Variants in CELA3A observed in about 807,000 individuals in gnomAD.
CELA3A encodes chymotrypsin-like elastase family member 3A.
CELA3A carries 35 observed loss-of-function variants against 38.6 expected under a neutral mutation model. That is an observed-to-expected ratio of 0.91 (90% CI 0.69 to 1.20). The LOEUF (loss-of-function observed/expected upper bound fraction) is 1.20. Among genes scored for constraint, CELA3A ranks in the 50% most tolerant of loss-of-function variants. The pLI, the probability that CELA3A is intolerant of heterozygous loss-of-function variation, is 0.00. For missense variants in CELA3A, 343 were observed against 354.2 expected (o/e 0.97, Z 0.25); for synonymous variants, 143 against 136.7 (o/e 1.05, Z -0.32).
At position 22,012,152 on chromosome 1, in the gene CELA3A, C is replaced by T. The variant is rs1306206748; in HGVS notation, c.796-298C>T. On this transcript the variant is annotated intron_variant, in intron 7 of 7. Coordinates refer to ENST00000290122, the MANE Select transcript of CELA3A (RefSeq NM_005747.5). ...ACATACGTATATATACACACAAATA[C>T]GTATATATATACACACACACATATA... 9.4e-5 allele frequency among the ~76,000 whole-genome samples: 12 copies of T among 127,378 alleles called. 3 individuals are homozygous for T. The highest frequency in any genetic ancestry group is 1.3e-4 in the Non-Finnish European group (8 of 61,848). The allele number at this position is 127,378 out of a possible 152,430, so 83.6% of individuals were successfully genotyped here.
chr1:22,010,055 TG>T (rs1421976280), intron 7 of CELA3A, 198 bp downstream of exon 7: 1 of 770,284 alleles, frequency 1.3e-6, no homozygotes, highest in African/African-American at 1.8e-5. Context: ...GGCTTCTGGG[TG>T]GTGCTTGGAA....
rs201536611 is a variant in CELA3A at position 22,003,044 on chromosome 1, G to T, written c.85G>T (p.Val29Phe). The T allele has an allele frequency of 1.9e-6, 3 of 1,571,840 alleles. 1 individual carries two copies. The highest frequency in any genetic ancestry group is 2.6e-6 in the Non-Finnish European group (3 of 1,167,374). Residue 29 changes from valine to phenylalanine, a missense_variant, in exon 2 of 8, where the codon GTT becomes TTT. Val to Phe is a conservative substitution (Grantham distance 50). Transcript: ENST00000290122. ...ACCTTCCTCTCACTCTTCCAGCCGC[G>T]TTGTCCATGGTGAGGATGCGGTCCC... is the stretch of plus-strand genomic sequence containing the variant. ...GPPSSHSSSR[V>F]VHGEDAVPYS...
chr1:22,009,161 C>A lies in CELA3A; in HGVS notation c.643-544C>A, dbSNP rs576768944. On this transcript the variant is annotated intron_variant, in intron 6 of 7. Coordinates refer to ENST00000290122, the MANE Select transcript of CELA3A (RefSeq NM_005747.5). ...CGGGCGGATCACGTGGTCAGGAGAT[C>A]GAGACCATCCTGGCTAACACGGTGA... 1.3e-5 allele frequency among the ~76,000 whole-genome samples: 2 copies of A among 151,108 alleles called. 1 individual carries two copies. Among genetic ancestry groups the A allele is most frequent in the South Asian group, 4.2e-4 (2 of 4,800 alleles).
In CELA3A at chr1:22,001,844, C is replaced by A. The variant is rs531005131; in HGVS notation, c.43+127C>A. 2.3e-4 allele frequency: 316 copies of A among 1,348,570 alleles called. 5 individuals are homozygous for A. Among genetic ancestry groups the A allele is most frequent in the Middle Eastern group, 1.4e-3 (8 of 5,540 alleles). The allele number at this position is 1,348,570 out of a possible 1,614,324, so 83.5% of individuals were successfully genotyped here. Reference sequence around the variant, plus strand: ...CCACAGGAGGGGGTCTCAGCTTGTACCCGGGGGCATGACTGTAGGGGCTTT... The same window carrying A: ...CCACAGGAGGGGGTCTCAGCTTGTAACCGGGGGCATGACTGTAGGGGCTTT... On this transcript the variant is annotated intron_variant, in intron 1 of 7. Transcript: ENST00000290122.
chr1:22,009,632 T>C, intron 6 of CELA3A, 73 bp from the exon 7 acceptor site: 1 of 1,547,280 alleles, frequency 6.5e-7, no homozygotes, highest in South Asian at 1.2e-5. Flanking sequence ...TTTCTTGAAA[T>C]CCCTAGAATT....
At chr1:22,009,580 A>G in intron 6 of CELA3A, 125 bp from the exon 7 acceptor site, 5 of 1,218,514 alleles carry the variant, frequency 4.1e-6, no homozygotes, top group Non-Finnish European at 5.6e-6. Flanking sequence ...ATGATAAAAA[A>G]ATGAGCGAGC....
intron 2 of CELA3A, among the ~76,000 whole-genome samples, chr1:22,004,813 A>C (rs1569866799): frequency 6.6e-6 from 1 of 151,308 alleles, no homozygotes; most frequent in Admixed American, 6.6e-5. Context: ...CAAAAGAGTC[A>C]GGGGGGCTGG....
intron 2 of CELA3A, among the ~76,000 whole-genome samples, 178 bp from the exon 3 acceptor site, chr1:22,005,269 G>A (rs943376825): frequency 6.6e-6 from 1 of 151,792 alleles, no homozygotes; most frequent in African/African-American, 2.4e-5. Context: ...AAGTGATAGG[G>A]CCACCACGGG....
At chr1:22,008,152 C>CT (rs71016968) in intron 6 of CELA3A, among the ~76,000 whole-genome samples, 19,448 of 86,840 alleles carry the variant, frequency 0.22, 3,569 homozygotes, top group African/African-American at 0.42. Context: ...GACGTTGTCT[C>CT]TTTTTTTTTT....
In CELA3A at chr1:22,006,958, G is replaced by T. The variant is rs376995348; in HGVS notation, c.443G>T (p.Gly148Val). ...AVQLASLPPA[G>V]DILPNKTPCY... ...CAGCTCGCCTCACTCCCTCCCGCTG[G>T]TGACATCCTTCCCAACAAGACACCC... The change falls in exon 5 of 8, where the codon GGT becomes GTT. Residue 148 changes from glycine (G) to valine (V), a missense_variant. Physicochemically the swap from Gly to Val is moderately radical, Grantham distance 109. Coordinates refer to ENST00000290122, the MANE Select transcript of CELA3A (RefSeq NM_005747.5). The T allele has an allele frequency of 9.9e-6, 16 of 1,612,360 alleles. No individual in the cohort carries two copies. The African/African-American group carries it at 2.0e-4, about 20-fold the overall frequency.
chr1:22,001,663 A>G lies in CELA3A; in HGVS notation c.-12A>G. On this transcript the variant is annotated 5_prime_UTR_variant, in exon 1 of 8. Coordinates refer to ENST00000290122, the MANE Select transcript of CELA3A (RefSeq NM_005747.5). ...CCAGGCTCTGTGCCCTTTTCCTATCATCACAAAACTCATGATGCTCCGGCT... is the reference window on the plus strand; with the variant it reads ...CCAGGCTCTGTGCCCTTTTCCTATCGTCACAAAACTCATGATGCTCCGGCT... The G allele has an allele frequency of 6.2e-7, 1 of 1,611,594 alleles. No individual in the cohort carries two copies. Among genetic ancestry groups the G allele is most frequent in the Non-Finnish European group, 8.5e-7 (1 of 1,179,230 alleles).
rs138147564 is a variant in CELA3A, at chr1:22,007,391, A to C, written c.518A>C (p.Asp173Ala). 93 of 1,611,814 alleles carry C rather than the reference A, an allele frequency of 5.8e-5. 4 individuals are homozygous for C. The African/African-American group carries it at 1.1e-3, about 20-fold the overall frequency. ...CTTGCAGCCAATGGGCCACTCCCAGACAAGCTGCAGCAGGCCCGGCTGCCC... is the reference window on the plus strand; with the variant it reads ...CTTGCAGCCAATGGGCCACTCCCAGCCAAGCTGCAGCAGGCCCGGCTGCCC... ...GRLYTNGPLP[D>A]KLQQARLPVV... The change falls in exon 6 of 8, where the codon GAC becomes GCC. Residue 173 changes from aspartate (D) to alanine (A), a missense_variant. By Grantham distance (126) the Asp-to-Ala change is moderately radical. Transcript: ENST00000290122.
intron 2 of CELA3A, among the ~76,000 whole-genome samples, chr1:22,004,374 G>T (rs1166079594): frequency 6.6e-6 from 1 of 151,130 alleles, no homozygotes; most frequent in Non-Finnish European, 1.5e-5. Flanking sequence ...TGCTTGGCCT[G>T]CTTGCCACAT....
chr1:22,006,929 C>G lies in CELA3A; in HGVS notation c.414C>G (p.Ala138=), dbSNP rs142433982. 9 of 1,612,408 alleles carry G rather than the reference C, an allele frequency of 5.6e-6. No homozygotes were observed. Among genetic ancestry groups the G allele is most frequent in the African/African-American group, 1.3e-5 (1 of 74,300 alleles). ...KLSRSAQLGD[A]VQLASLPPAG... is the part of the protein sequence containing the mutation. ...CACGCAGCGCCCAGCTGGGAGATGC[C>G]GTCCAGCTCGCCTCACTCCCTCCCG... Residue 138 remains alanine, a synonymous_variant, in exon 5 of 8, where the codon GCC becomes GCG. Transcript: ENST00000290122.
intron 7 of CELA3A, chr1:22,010,172 C>T (rs1224566473): frequency 4.0e-5 from 16 of 400,012 alleles, no homozygotes; most frequent in Non-Finnish European, 7.0e-5. Flanking sequence ...AAGAGGCTGC[C>T]TGGTGGGGGA....
At chr1:22,004,898 G>A (rs1449625138) in intron 2 of CELA3A, among the ~76,000 whole-genome samples, 3 of 151,188 alleles carry the variant, frequency 2.0e-5, no homozygotes, top group Admixed American at 6.6e-5. Context: ...TGAGGAGCTC[G>A]AGACCAGCCT....
At chr1:22,003,792 G>A (rs1190077905) in intron 2 of CELA3A, among the ~76,000 whole-genome samples, 3 of 150,834 alleles carry the variant, frequency 2.0e-5, no homozygotes, top group Admixed American at 1.3e-4. Flanking sequence ...TGCAAACTCT[G>A]CCACCCGGGT....
At chr1:22,006,823 G>T (rs1644952646) in intron 4 of CELA3A, 55 bp from the exon 5 acceptor site, 2 of 1,596,050 alleles carry the variant, frequency 1.3e-6, no homozygotes, top group Non-Finnish European at 1.7e-6. Context: ...CGGCTAGAAG[G>T]TAGGACTTGG....
intron 5 of CELA3A, 46 bp from the exon 6 acceptor site, chr1:22,007,327 G>C: frequency 6.4e-7 from 1 of 1,572,602 alleles, no homozygotes; most frequent in Non-Finnish European, 8.6e-7. Context: ...GGGGCACCTA[G>C]CGGTGTGCCC....
Sources: gnomAD v4.1 joint callset for allele counts (sites outside exome capture counted in the v4.1 genomes callset) on GRCh38, gnomAD v4.1.1 for gene constraint, MANE v1.5 for transcripts, NCBI Gene and HGNC (gene_info 2026-07-23, HGNC 2026-07-21) for gene names.